SLC15A1: variants seen among roughly 807,000 people sequenced by gnomAD.
SLC15A1 encodes the protein solute carrier family 15 member 1.
SLC15A1 carries 83 observed loss-of-function variants against 92.9 expected under a neutral mutation model. The ratio of observed to expected loss-of-function variants is 0.89; its 90% CI spans 0.75 to 1.07. The LOEUF is 1.07. Ranked by LOEUF, SLC15A1 falls within the 50% of genes least tolerant of loss-of-function variation. The probability of loss-of-function intolerance (pLI) is 0.00; values close to 1 mark genes in which losing one functional copy is unlikely to be tolerated. For missense variants in SLC15A1, 857 were observed against 880.1 expected (o/e 0.97, Z 0.33); for synonymous variants, 322 against 318.2 (o/e 1.01, Z -0.13).
Position 98,709,949 on chromosome 13 carries a change from G to A in SLC15A1, c.901-38C>T, listed in dbSNP as rs755557838. 3 of 1,608,214 alleles carry A rather than the reference G, an allele frequency of 1.9e-6. No homozygotes were observed. In the Admixed American group the frequency reaches 5.0e-5, roughly 27 times the overall value. On this transcript the variant is annotated intron_variant, in intron 11 of 22. Coordinates refer to ENST00000376503, the MANE Select transcript of SLC15A1 (RefSeq NM_005073.4). Reference sequence around the variant, plus strand: ...TACATTTGCTGTATTATTTGGGGATGTGGGTTTTTAAAATTTTACAAGTCA... The same window carrying A: ...TACATTTGCTGTATTATTTGGGGATATGGGTTTTTAAAATTTTACAAGTCA...
intron 14 of SLC15A1, 65 bp downstream of exon 14, chr13:98,709,507 G>A (rs1422162604): frequency 1.3e-5 from 17 of 1,331,900 alleles, no homozygotes; most frequent in Admixed American, 7.0e-5. Context: ...CAGGCTGAGC[G>A]CAGCCCATCT....
intron 1 of SLC15A1, among the ~76,000 whole-genome samples, chr13:98,734,476 G>A (rs1322542045): frequency 1.3e-5 from 2 of 152,144 alleles, no homozygotes; most frequent in East Asian, 3.9e-4. Context: ...GCAGAGTGGA[G>A]CATCGCCTTA....
At chr13:98,718,835 G>T (rs370933913) in intron 8 of SLC15A1, among the ~76,000 whole-genome samples, 82 of 152,200 alleles carry the variant, frequency 5.4e-4, no homozygotes, top group Middle Eastern at 3.4e-3. Flanking sequence ...TAGAGGTAGG[G>T]TCTCTCTCTG....
At chr13:98,698,256 A>C (rs867965870) in intron 18 of SLC15A1, among the ~76,000 whole-genome samples, 1 of 152,248 alleles carries the variant, frequency 6.6e-6, no homozygotes, top group Non-Finnish European at 1.5e-5. Context: ...TGTTGTAAAT[A>C]ATATTTATAG....
chr13:98,684,942 GA>G, intron 22 of SLC15A1, 27 bp from the exon 23 acceptor site: 4 of 1,583,998 alleles, frequency 2.5e-6, no homozygotes, highest in Admixed American at 1.8e-5. Flanking sequence ...GTTGGAGCAG[GA>G]AAAAGAACAA....
At chr13:98,750,674 C>G (rs912884068) in intron 1 of SLC15A1, among the ~76,000 whole-genome samples, 1 of 152,040 alleles carries the variant, frequency 6.6e-6, no homozygotes, top group African/African-American at 2.4e-5. Context: ...CTGCCTCGTT[C>G]GCCAACTGCT....
Position 98,719,248 on chromosome 13 carries a change from G to T in SLC15A1, c.629C>A (p.Ala210Asp). 4.3e-6 allele frequency: 7 copies of T among 1,613,056 alleles called. No homozygotes were observed. Among genetic ancestry groups the T allele is most frequent in the Non-Finnish European group, 5.9e-6 (7 of 1,179,096 alleles). Residue 210 changes from alanine to aspartate, a missense_variant, in exon 8 of 23, where the codon GCT (alanine) becomes GAT (aspartate). Transcript: ENST00000376503. ...LAFGVPAALM[A>D]VALIVFVLGS... ...CGATTTCCACTTACTCAGGGCTACA[G>T]CCATGAGAGCAGCAGGAACCCCAAA...
chr13:98,720,750 A>C (rs1326725032), intron 7 of SLC15A1: 3 of 230,506 alleles, frequency 1.3e-5, no homozygotes, highest in Non-Finnish European at 2.6e-5. Flanking sequence ...TGGGAAAGCA[A>C]AGAAAAAAAC....
chr13:98,748,087 C>A (rs2088509784), intron 1 of SLC15A1, among the ~76,000 whole-genome samples: 3 of 152,176 alleles, frequency 2.0e-5, no homozygotes. Flanking sequence ...TTTTCCTCAA[C>A]TCTAACTCGG....
At chr13:98,736,479 A>C (rs2088395066) in intron 1 of SLC15A1, among the ~76,000 whole-genome samples, 1 of 152,224 alleles carries the variant, frequency 6.6e-6, no homozygotes, top group South Asian at 2.1e-4. Flanking sequence ...AAAAAAGCCA[A>C]AATAGACAAA....
intron 1 of SLC15A1, among the ~76,000 whole-genome samples, 178 bp downstream of exon 1, chr13:98,752,417 G>C (rs1374414860): frequency 6.6e-6 from 1 of 152,052 alleles, no homozygotes; most frequent in Non-Finnish European, 1.5e-5. Flanking sequence ...CCGGCCGCAC[G>C]GTGACCACCC....
At chr13:98,686,540 T>C (rs1361717603) in intron 21 of SLC15A1, among the ~76,000 whole-genome samples, 4 of 152,220 alleles carry the variant, frequency 2.6e-5, no homozygotes, top group Non-Finnish European at 5.9e-5. Context: ...CTTAGTTAAA[T>C]GGACACATCT....
chr13:98,692,583 C>G (rs762344880), intron 18 of SLC15A1, among the ~76,000 whole-genome samples: 27 of 152,242 alleles, frequency 1.8e-4, no homozygotes, highest in Admixed American at 5.2e-4. Flanking sequence ...TTATTTCTGC[C>G]TCAACACCCG....
At chr13:98,748,278 C>G (rs1687832915) in intron 1 of SLC15A1, among the ~76,000 whole-genome samples, 1 of 152,166 alleles carries the variant, frequency 6.6e-6, no homozygotes, top group Admixed American at 6.5e-5. Context: ...TTTCTACTCT[C>G]TTTACTTCTT....
At chr13:98,694,547 G>A (rs1431410775) in intron 18 of SLC15A1, among the ~76,000 whole-genome samples, 1 of 152,134 alleles carries the variant, frequency 6.6e-6, no homozygotes, top group African/African-American at 2.4e-5. Flanking sequence ...GTGACAAAAA[G>A]TTTTAAAGAA....
Position 98,706,206 on chromosome 13 carries a change from A to C in SLC15A1, c.1197T>G (p.Val399=). ...TCATGGTATTGTTTCCTATATTCAAAACTTTAATTTGGACTTCGTTTCCTT... is the reference window on the plus strand; with the variant it reads ...TCATGGTATTGTTTCCTATATTCAACACTTTAATTTGGACTTCGTTTCCTT... The part of the protein sequence containing the change: ...FPKGNEVQIK[V]LNIGNNTMNI... Residue 399 remains valine (V), a synonymous_variant, in exon 16 of 23, where the codon GTT becomes GTG. Transcript: ENST00000376503. 6.2e-7 allele frequency: 1 copy of C among 1,613,734 alleles called. No individual in the cohort carries two copies. The highest frequency in any genetic ancestry group is 1.1e-5 in the South Asian group (1 of 90,918).
intron 11 of SLC15A1, among the ~76,000 whole-genome samples, chr13:98,710,540 G>T (rs951547392): frequency 6.6e-6 from 1 of 152,114 alleles, no homozygotes; most frequent in African/African-American, 2.4e-5. Flanking sequence ...AATTGGCCAG[G>T]TGCAGTGGCT....
intron 15 of SLC15A1, 125 bp from the exon 16 acceptor site, chr13:98,706,378 G>A (rs2088113019): frequency 1.9e-6 from 2 of 1,030,482 alleles, no homozygotes; most frequent in South Asian, 2.9e-5. Flanking sequence ...CACGCCAGGT[G>A]TCTCCCACTA....
chr13:98,740,874 G>A (rs550090674), intron 1 of SLC15A1, among the ~76,000 whole-genome samples: 1 of 152,310 alleles, frequency 6.6e-6, no homozygotes, highest in East Asian at 1.9e-4. Context: ...GCAATGAAAA[G>A]TGTTTTTCTT....
Sources: allele counts gnomAD v4.1 joint callset (sites outside exome capture counted in the v4.1 genomes callset), GRCh38; gene constraint gnomAD v4.1.1; transcripts MANE v1.5; gene names NCBI Gene and HGNC (gene_info 2026-07-23, HGNC 2026-07-21).